The following RNLS variants were observed in gnomAD, a reference collection of about 807,000 sequenced individuals.
RNLS encodes renalase.
Under a neutral mutation model 39.8 loss-of-function variants are expected in RNLS, and 39 were observed. The observed-to-expected ratio is 0.98, with a 90% CI of 0.76 to 1.28. RNLS has a LOEUF of 1.28. Among genes scored for constraint, RNLS ranks in the 50% most tolerant of loss-of-function variants. The pLI is 0.00. For synonymous variants in RNLS, 147 were observed against 150.7 expected, an observed-to-expected ratio of 0.98 and a Z score of 0.18; for missense variants, 410 against 413.3, an observed-to-expected ratio of 0.99 and a Z score of 0.07.
the RNLS span, among the ~76,000 whole-genome samples, chr10:88,183,418 A>G: frequency 6.6e-6 from 1 of 152,156 alleles, no homozygotes; most frequent in African/African-American, 2.4e-5. Context: ...TCCATTAAAT[A>G]TATAACTTTT....
At chr10:88,428,175 C>T (rs747306442) in intron 4 of RNLS, among the ~76,000 whole-genome samples, 3 of 151,946 alleles carry the variant, frequency 2.0e-5, no homozygotes, top group Non-Finnish European at 4.4e-5. Context: ...CCGAATCTCT[C>T]GCTCCATTTC....
chr10:88,256,393 T>C, the RNLS span, among the ~76,000 whole-genome samples: 1 of 152,222 alleles, frequency 6.6e-6, no homozygotes, highest in African/African-American at 2.4e-5. Context: ...GACAGATGTT[T>C]AAAATCACAT....
intron 3 of RNLS, among the ~76,000 whole-genome samples, chr10:88,574,859 C>T (rs1443018470): frequency 6.6e-6 from 1 of 152,138 alleles, no homozygotes; most frequent in East Asian, 1.9e-4. Context: ...CCAACAAGGG[C>T]AGCTCTGCTT....
At chr10:88,508,070 C>G (rs1223553453) in intron 4 of RNLS, among the ~76,000 whole-genome samples, 2 of 152,118 alleles carry the variant, frequency 1.3e-5, no homozygotes, top group East Asian at 1.9e-4. Context: ...TAAGTAAGCA[C>G]TATGTTGAAA....
rs1017819774 is a variant in RNLS, at chr10:88,503,517, G to A, written c.526+69386C>T. On this transcript the variant is annotated intron_variant, in intron 4 of 6. Coordinates refer to ENST00000331772, the MANE Select transcript of RNLS (RefSeq NM_001031709.3). ...AATATTGAATATAATTATACAAACA[G>A]ATTTATAACCTGGAACCATCATTAG... Among the ~76,000 whole-genome samples, 4 of 152,208 alleles carry A rather than the reference G, an allele frequency of 2.6e-5. No individual in the cohort carries two copies. In the East Asian group the frequency reaches 7.7e-4, roughly 29 times the overall value.
At position 88,296,789 on chromosome 10, in the gene RNLS, C is replaced by A. The variant is rs542188487; in HGVS notation, c.877-11283G>T. ...AATAACAGAGAACATTTCCACCACC[C>A]CCTAAATTTCCCTTATGCCCCACTG... On this transcript the variant is annotated intron_variant, in intron 6 of 6. Coordinates refer to ENST00000331772, the MANE Select transcript of RNLS (RefSeq NM_001031709.3). 2.2e-4 allele frequency among the ~76,000 whole-genome samples: 34 copies of A among 152,178 alleles called. 1 individual carries two copies. The South Asian group carries it at 6.4e-3, about 29-fold the overall frequency.
chr10:88,353,972 C>A (rs1848936778), intron 5 of RNLS, among the ~76,000 whole-genome samples: 1 of 152,154 alleles, frequency 6.6e-6, no homozygotes, highest in African/African-American at 2.4e-5. Context: ...TAATGGTCTT[C>A]TTTGTCTCTT....
intron 6 of RNLS, among the ~76,000 whole-genome samples, chr10:88,287,144 T>G (rs56060315): frequency 0.076 from 11,573 of 152,164 alleles, 630 homozygotes; most frequent in African/African-American, 0.15. Flanking sequence ...TATTTTTTAT[T>G]TATATGTTAT....
intron 4 of RNLS, among the ~76,000 whole-genome samples, chr10:88,495,689 A>G (rs1845131943): frequency 6.6e-6 from 1 of 152,082 alleles, no homozygotes; most frequent in Admixed American, 6.6e-5. Context: ...GCAGCATAAG[A>G]ATGAGTAAAG....
intron 4 of RNLS, among the ~76,000 whole-genome samples, chr10:88,433,660 T>C (rs1855273928): frequency 6.6e-6 from 1 of 152,138 alleles, no homozygotes; most frequent in African/African-American, 2.4e-5. Flanking sequence ...AGGAATGTAA[T>C]GAATGCAATG....
At chr10:88,346,374 T>C (rs1848307436) in intron 5 of RNLS, among the ~76,000 whole-genome samples, 1 of 152,180 alleles carries the variant, frequency 6.6e-6, no homozygotes, top group Non-Finnish European at 1.5e-5. Context: ...CAGGTTTTAC[T>C]GACAATACTA....
chr10:88,310,152 C>A (rs1401272622), intron 6 of RNLS, among the ~76,000 whole-genome samples: 2 of 152,126 alleles, frequency 1.3e-5, no homozygotes, highest in East Asian at 3.9e-4. Context: ...GTCGAGGCTG[C>A]AGTGAACTGA....
chr10:88,438,143 A>C (rs111958828), intron 4 of RNLS, among the ~76,000 whole-genome samples: 24,419 of 144,578 alleles, frequency 0.17, 2,687 homozygotes, highest in Non-Finnish European at 0.26. Flanking sequence ...AAAAAAAAAG[A>C]AGCTCAGGAA....
chr10:88,332,176 G>A (rs185100769), intron 5 of RNLS, among the ~76,000 whole-genome samples: 3 of 152,308 alleles, frequency 2.0e-5, no homozygotes, highest in Non-Finnish European at 1.5e-5. Flanking sequence ...CTTATATATA[G>A]GTTACAGCAG....
At chr10:88,372,938 G>T (rs1210998208) in intron 4 of RNLS, among the ~76,000 whole-genome samples, 1 of 151,946 alleles carries the variant, frequency 6.6e-6, no homozygotes, top group Non-Finnish European at 1.5e-5. Flanking sequence ...TTTTTGTTGG[G>T]AAAAATGCTG....
chr10:88,541,255 A>G (rs931777546), intron 4 of RNLS, among the ~76,000 whole-genome samples: 7 of 152,186 alleles, frequency 4.6e-5, no homozygotes, highest in Non-Finnish European at 1.0e-4. Context: ...TCTAAACAAC[A>G]CTATTTAGAT....
At chr10:88,321,830 A>T (rs1037831274) in intron 5 of RNLS, among the ~76,000 whole-genome samples, 1 of 152,194 alleles carries the variant, frequency 6.6e-6, no homozygotes, top group Non-Finnish European at 1.5e-5. Context: ...AAAAAGAAAA[A>T]CAAAAATTCA....
At chr10:88,391,101 T>C (rs1205480939) in intron 4 of RNLS, among the ~76,000 whole-genome samples, 2 of 152,198 alleles carry the variant, frequency 1.3e-5, no homozygotes, top group Non-Finnish European at 2.9e-5. Flanking sequence ...TCTGAAAATA[T>C]AACTGCAATA....
the RNLS span, among the ~76,000 whole-genome samples, chr10:88,176,797 T>C: frequency 6.6e-6 from 1 of 152,226 alleles, no homozygotes; most frequent in Non-Finnish European, 1.5e-5. Flanking sequence ...AATTTATGAA[T>C]TCCCTCAGAG....
Sources: gnomAD v4.1 joint callset for allele counts (sites outside exome capture counted in the v4.1 genomes callset) on GRCh38, gnomAD v4.1.1 for gene constraint, MANE v1.5 for transcripts, NCBI Gene and HGNC (gene_info 2026-07-23, HGNC 2026-07-21) for gene names.